EED: variants seen among roughly 807,000 people sequenced by gnomAD.
EED encodes polycomb protein EED.
Under a neutral mutation model 61.0 loss-of-function variants are expected in EED, and 9 were observed. The observed-to-expected ratio is 0.15, with a 90% confidence interval of 0.09 to 0.26. The LOEUF (loss-of-function observed/expected upper bound fraction) is 0.26, where lower values mean the gene tolerates loss of function less well. Ranked by LOEUF, EED falls within the 10% of genes least tolerant of loss-of-function variation. The pLI is 1.00. For synonymous variants in EED, 187 were observed against 174.4 expected (o/e 1.07, Z -0.57); for missense variants, 315 against 542.3 (o/e 0.58, Z 4.16).
intron 1 of EED, among the ~76,000 whole-genome samples, chr11:86,245,715 C>A (rs1195177154): frequency 6.6e-6 from 1 of 152,020 alleles, no homozygotes; most frequent in Non-Finnish European, 1.5e-5. Flanking sequence ...AAGGACGGGG[C>A]AGAGTTAGGG....
intron 9 of EED, among the ~76,000 whole-genome samples, chr11:86,269,457 T>C (rs1294820343): frequency 6.6e-6 from 1 of 152,202 alleles, no homozygotes; most frequent in African/African-American, 2.4e-5. Context: ...CTTTTCTTGA[T>C]GTGAATTTCA....
intron 3 of EED, among the ~76,000 whole-genome samples, chr11:86,253,768 C>A (rs181959095): frequency 4.6e-5 from 7 of 151,934 alleles, no homozygotes; most frequent in Non-Finnish European, 8.8e-5. Flanking sequence ...AAAAATGGGG[C>A]CGGGCACAGT....
intron 2 of EED, 45 bp downstream of exon 2, chr11:86,250,493 A>C: frequency 6.8e-7 from 1 of 1,464,724 alleles, no homozygotes; most frequent in South Asian, 1.5e-5. Flanking sequence ...TAGGCTTCAG[A>C]AATTATTTCT....
chr11:86,270,371 T>A (rs1593762192), intron 9 of EED, among the ~76,000 whole-genome samples: 2 of 124,032 alleles, frequency 1.6e-5, no homozygotes, highest in East Asian at 2.5e-4. Context: ...TTTTTTTTTT[T>A]AACTGTTGAG....
chr11:86,286,727 C>A, the EED span, among the ~76,000 whole-genome samples: 1 of 152,046 alleles, frequency 6.6e-6, no homozygotes, highest in Non-Finnish European at 1.5e-5. Context: ...AATCCCAGCA[C>A]TTTGGGAGGC....
the EED span, among the ~76,000 whole-genome samples, chr11:86,285,157 T>C: frequency 6.6e-6 from 1 of 152,210 alleles, no homozygotes; most frequent in South Asian, 2.1e-4. Flanking sequence ...CGGTGGTTCA[T>C]GCCTGTAATC....
chr11:86,287,213 T>G, the EED span, among the ~76,000 whole-genome samples: 1 of 152,098 alleles, frequency 6.6e-6, no homozygotes, highest in African/African-American at 2.4e-5. Flanking sequence ...TCTAGATGGC[T>G]TTTACCAAGG....
chr11:86,247,538 C>T (rs1333734924), intron 1 of EED, among the ~76,000 whole-genome samples: 1 of 152,114 alleles, frequency 6.6e-6, no homozygotes, highest in Non-Finnish European at 1.5e-5. Context: ...GTGGCAGAGT[C>T]ACAACTTCAG....
chr11:86,274,786 A>G (rs1946191241), intron 9 of EED, among the ~76,000 whole-genome samples: 1 of 152,164 alleles, frequency 6.6e-6, no homozygotes. Context: ...GCCTCCTCTG[A>G]TACCACCCTA....
At chr11:86,287,174 G>A in the EED span, among the ~76,000 whole-genome samples, 1 of 151,442 alleles carries the variant, frequency 6.6e-6, no homozygotes. Flanking sequence ...AGCCTGCAGT[G>A]TGAAACACAG....
At chr11:86,280,656 GTATATT>G (rs1254134847), downstream of EED, among the ~76,000 whole-genome samples, 1 of 152,156 alleles carries the variant, frequency 6.6e-6, no homozygotes, top group African/African-American at 2.4e-5. Context: ...TGACCATTGT[GTATATT>G]TATAGGGTAC....
intron 3 of EED, among the ~76,000 whole-genome samples, chr11:86,252,511 G>GT (rs140669073): frequency 0.89 from 131,096 of 146,600 alleles, 59,032 homozygotes; most frequent in Non-Finnish European, 0.95. Context: ...AAGAATTGGC[G>GT]TCCTTTTTTT....
At chr11:86,270,928 AATT>A (rs1457810723) in intron 9 of EED, among the ~76,000 whole-genome samples, 2 of 151,980 alleles carry the variant, frequency 1.3e-5, no homozygotes, top group African/African-American at 4.8e-5. Context: ...GTAGCTCTAT[AATT>A]ATTCTTGGAA....
At chr11:86,281,174 A>G (rs147130699), downstream of EED, among the ~76,000 whole-genome samples, 1 of 152,308 alleles carries the variant, frequency 6.6e-6, no homozygotes, top group African/African-American at 2.4e-5. Flanking sequence ...TCCTCGTAAG[A>G]TGAGTTTGGA....
At chr11:86,263,014 C>T (rs1391520947) in intron 6 of EED, among the ~76,000 whole-genome samples, 1 of 152,090 alleles carries the variant, frequency 6.6e-6, no homozygotes, top group Non-Finnish European at 1.5e-5. Context: ...CACTATGTTA[C>T]CCCGGCTGGT....
intron 9 of EED, chr11:86,269,943 A>C: frequency 1.8e-6 from 1 of 554,742 alleles, no homozygotes; most frequent in Non-Finnish European, 3.2e-6. Context: ...ATTGCAAATA[A>C]AGCTGCTAAT....
At chr11:86,274,552 G>T (rs1481579337) in intron 9 of EED, among the ~76,000 whole-genome samples, 1 of 152,112 alleles carries the variant, frequency 6.6e-6, no homozygotes, top group African/African-American at 2.4e-5. Flanking sequence ...TGCCAGATTG[G>T]GGTGGAAGTC....
intron 2 of EED, 52 bp from the exon 3 acceptor site, chr11:86,252,096 T>C: frequency 1.4e-6 from 2 of 1,469,826 alleles, no homozygotes; most frequent in East Asian, 4.6e-5. Context: ...TACTGTCATT[T>C]TCTGGTTTGT....
chr11:86,256,343 T>C (rs752963650), intron 4 of EED, 44 bp from the exon 5 acceptor site: 2 of 1,467,228 alleles, frequency 1.4e-6, no homozygotes, highest in Non-Finnish European at 9.1e-7. Context: ...TTGACATGTT[T>C]CTTTTTCAAA....
Sources: allele counts gnomAD v4.1 joint callset (sites outside exome capture counted in the v4.1 genomes callset), GRCh38; gene constraint gnomAD v4.1.1; transcripts MANE v1.5; gene names NCBI Gene and HGNC (gene_info 2026-07-23, HGNC 2026-07-21).